Variants in RRAGB observed in about 807,000 individuals in gnomAD.
RRAGB encodes the protein ras-related GTP-binding protein B.
In RRAGB, 6 loss-of-function variants were observed where a neutral mutation model predicts 29.3. The ratio of observed to expected loss-of-function variants is 0.21; its 90% CI spans 0.11 to 0.40. The LOEUF is 0.40. Among genes scored for constraint, RRAGB ranks in the 10% least tolerant of loss-of-function variants. The pLI, the probability that RRAGB is intolerant of heterozygous loss-of-function variation, is 1.00. For missense variants in RRAGB, 184 were observed against 272.9 expected, an observed-to-expected ratio of 0.67 and a Z score of 2.29; for synonymous variants, 101 against 92.5, an observed-to-expected ratio of 1.09 and a Z score of -0.53.
chrX:55,755,091 A>T, intron 7 of RRAGB: 1 of 753,346 alleles, frequency 1.3e-6, no homozygotes, highest in Non-Finnish European at 1.6e-6. Context: ...GTGACTGAAC[A>T]TTTTCACTGA....
chrX:55,747,344 G>A (rs1403163439), intron 5 of RRAGB, among the ~76,000 whole-genome samples: 1 of 112,497 alleles, frequency 8.9e-6, no homozygotes, highest in Non-Finnish European at 1.9e-5. Context: ...CTGTGAGGTT[G>A]TGAATTCAGT....
intron 3 of RRAGB, among the ~76,000 whole-genome samples, chrX:55,723,226 T>A (rs191544995): frequency 9.0e-6 from 1 of 110,539 alleles, no homozygotes; most frequent in East Asian, 2.8e-4. Context: ...TGGTGCAGTC[T>A]TATCTCCTGG....
chrX:55,738,829 T>C (rs1450729360), intron 5 of RRAGB, among the ~76,000 whole-genome samples: 2 of 111,792 alleles, frequency 1.8e-5, no homozygotes, highest in African/African-American at 6.5e-5. Flanking sequence ...AAAGTCCCTG[T>C]CTGTTGTGTT....
chrX:55,735,186 C>T (rs2033826253), intron 5 of RRAGB, among the ~76,000 whole-genome samples: 1 of 111,967 alleles, frequency 8.9e-6, no homozygotes, highest in African/African-American at 3.2e-5. Flanking sequence ...CTTTCCGCCA[C>T]AATGATCTAT....
intron 5 of RRAGB, among the ~76,000 whole-genome samples, chrX:55,736,004 A>G (rs1249074491): frequency 7.1e-5 from 8 of 112,202 alleles, no homozygotes; most frequent in Middle Eastern, 4.6e-3. Context: ...TTTCCTTTGT[A>G]AGTTATCCAA....
At chrX:55,743,106 A>G (rs1341577017) in intron 5 of RRAGB, among the ~76,000 whole-genome samples, 1 of 112,156 alleles carries the variant, frequency 8.9e-6, no homozygotes, top group Non-Finnish European at 1.9e-5. Context: ...GGTGGGGAAC[A>G]TGGTAAGACC....
chrX:55,753,145 AAAG>A (rs1487895127), intron 6 of RRAGB, among the ~76,000 whole-genome samples: 1 of 112,473 alleles, frequency 8.9e-6, no homozygotes, highest in African/African-American at 3.2e-5. Context: ...TTATCAATGG[AAAG>A]AAGTTTCTCC....
At chrX:55,720,975 CT>C (rs2033258337) in intron 2 of RRAGB, among the ~76,000 whole-genome samples, 1 of 112,183 alleles carries the variant, frequency 8.9e-6, no homozygotes, top group Admixed American at 9.4e-5. Flanking sequence ...TCAAAAGTCA[CT>C]TTACTAAATT....
intron 3 of RRAGB, 44 bp from the exon 4 acceptor site, chrX:55,729,250 C>T (rs1365858709): frequency 1.0e-6 from 1 of 956,273 alleles, no homozygotes; most frequent in Non-Finnish European, 1.5e-6. Context: ...TTGAATTTCA[C>T]TTCACCTGTT....
intron 5 of RRAGB, among the ~76,000 whole-genome samples, chrX:55,732,357 G>A (rs1409221080): frequency 9.0e-6 from 1 of 111,650 alleles, no homozygotes; most frequent in Non-Finnish European, 1.9e-5. Context: ...TGGATTTTAA[G>A]GTCTATGCTA....
intron 5 of RRAGB, among the ~76,000 whole-genome samples, chrX:55,750,322 A>G (rs181926175): frequency 7.7e-4 from 85 of 109,859 alleles, no homozygotes; most frequent in African/African-American, 2.7e-3. Flanking sequence ...GCAGGCTGAC[A>G]GACTGGAGAC....
intron 5 of RRAGB, among the ~76,000 whole-genome samples, chrX:55,740,322 C>CAAAAA (rs542846613): frequency 2.2e-5 from 2 of 92,441 alleles, no homozygotes; most frequent in African/African-American, 8.0e-5. Flanking sequence ...GACTCCATCT[C>CAAAAA]AAAAAAAAAA....
At chrX:55,733,364 A>G (rs2033749504) in intron 5 of RRAGB, among the ~76,000 whole-genome samples, 1 of 112,320 alleles carries the variant, frequency 8.9e-6, no homozygotes, top group Non-Finnish European at 1.9e-5. Context: ...GAAAGTGGAT[A>G]TAATTGTCTT....
chrX:55,718,107 C>T lies in RRAGB; in HGVS notation c.-221C>T. Reference sequence around the variant, plus strand: ...GGAATCACTTGGCCTTAAAGCTAGCCAGCTCGGCCGTGCCTTGAGGCCAGG... The same window carrying T: ...GGAATCACTTGGCCTTAAAGCTAGCTAGCTCGGCCGTGCCTTGAGGCCAGG... On this transcript the variant is annotated 5_prime_UTR_variant, in exon 1 of 10. Coordinates refer to ENST00000374941, the MANE Select transcript of RRAGB (RefSeq NM_006064.5). The T allele has an allele frequency of 3.4e-6, 1 of 297,387 alleles. No individual in the cohort carries two copies. The highest frequency in any genetic ancestry group is 5.8e-5 in the Admixed American group (1 of 17,322). 24.5% of individuals were successfully genotyped at this position (297,387 alleles called of 1,213,427 possible). A position where few individuals can be genotyped will look rare whatever the true frequency, so the allele number is the denominator to read the frequency against.
rs777918111 is a variant in RRAGB at position 55,753,472 on chromosome X, C to T, written c.693C>T (p.Ile231=). The part of the protein sequence containing the change: ...EMNLRNFAEI[I]EADEVLLFER... ...ACCTAAGGAATTTTGCTGAAATTAT[C>T]GAAGCTGATGAAGTACTTCTTTTTG... Residue 231 remains isoleucine, a synonymous_variant, in exon 7 of 10, where the codon ATC becomes ATT. Transcript: ENST00000374941. 22 of 1,200,780 alleles carry T rather than the reference C, an allele frequency of 1.8e-5. No individual in the cohort carries two copies. Among genetic ancestry groups the T allele is most frequent in the Admixed American group, 4.4e-5 (2 of 45,776 alleles).
At chrX:55,756,965 TA>T (rs1391872545) in intron 8 of RRAGB, among the ~76,000 whole-genome samples, 2 of 111,784 alleles carry the variant, frequency 1.8e-5, no homozygotes, top group Non-Finnish European at 3.8e-5. Flanking sequence ...CATAAAAAAA[TA>T]AATTGAAATT....
chrX:55,736,782 G>A (rs1459198447), intron 5 of RRAGB, among the ~76,000 whole-genome samples: 1 of 112,214 alleles, frequency 8.9e-6, no homozygotes, highest in African/African-American at 3.2e-5. Flanking sequence ...TTGTGCAGTG[G>A]CTTTCTTAGC....
Position 55,758,481 on chromosome X carries a change from T to G in RRAGB, c.*138T>G, listed in dbSNP as rs1465492140. On this transcript the variant is annotated 3_prime_UTR_variant, in exon 10 of 10. Coordinates refer to ENST00000374941, the MANE Select transcript of RRAGB (RefSeq NM_006064.5). Reference sequence around the variant, plus strand: ...ACTCCCTAGTCTTAATGTTTAACCTTGAATGCTATTAACTTAAATAGCCAT... The same window carrying G: ...ACTCCCTAGTCTTAATGTTTAACCTGGAATGCTATTAACTTAAATAGCCAT... The G allele has an allele frequency of 1.5e-5, 6 of 392,709 alleles. No individual in the cohort carries two copies. Among genetic ancestry groups the G allele is most frequent in the African/African-American group, 2.5e-5 (1 of 39,406 alleles). 32.4% of individuals were successfully genotyped at this position (392,709 alleles called of 1,213,427 possible). A position where few individuals can be genotyped will look rare whatever the true frequency, so the allele number is the denominator to read the frequency against.
intron 5 of RRAGB, among the ~76,000 whole-genome samples, chrX:55,734,278 T>A (rs959454155): frequency 1.7e-4 from 19 of 109,938 alleles, no homozygotes; most frequent in South Asian, 1.2e-3. Flanking sequence ...TTTTTTTTTT[T>A]TTATTACTGA....
Sources: gnomAD v4.1 joint callset for allele counts (sites outside exome capture counted in the v4.1 genomes callset) on GRCh38, gnomAD v4.1.1 for gene constraint, MANE v1.5 for transcripts, NCBI Gene and HGNC (gene_info 2026-07-23, HGNC 2026-07-21) for gene names.